Variants in PUDP observed in about 807,000 individuals in gnomAD.
PUDP encodes the protein pseudouridine-5'-phosphatase.
PUDP carries 8 observed loss-of-function variants against 9.4 expected under a neutral mutation model. The observed-to-expected ratio is 0.85, with a 90% CI of 0.50 to 1.53. The LOEUF is 1.53. Among genes scored for constraint, PUDP ranks in the 40% most tolerant of loss-of-function variants. The pLI is 0.00. For missense variants in PUDP, 188 were observed against 189.7 expected (o/e 0.99, Z 0.05); for synonymous variants, 99 against 80.7 (o/e 1.23, Z -1.22).
chrX:7,080,927 A>G (rs1931065237), intron 2 of PUDP, among the ~76,000 whole-genome samples: 2 of 109,625 alleles, frequency 1.8e-5, no homozygotes, highest in South Asian at 7.9e-4. Context: ...TCAAAAAAAA[A>G]AAAAAAAAAT....
At chrX:6,820,227 A>G (rs1243241941) in intron 3 of PUDP, among the ~76,000 whole-genome samples, 6 of 110,483 alleles carry the variant, frequency 5.4e-5, no homozygotes, top group Non-Finnish European at 7.6e-5. Context: ...ACTGGCCCCC[A>G]TGATTCAATT....
intron 1 of PUDP, among the ~76,000 whole-genome samples, chrX:7,130,101 C>A (rs770888192): frequency 7.2e-5 from 8 of 111,568 alleles, no homozygotes; most frequent in Non-Finnish European, 1.5e-4. Context: ...AATCTCCCTA[C>A]CCCAGGAAGG....
intron 3 of PUDP, among the ~76,000 whole-genome samples, chrX:6,775,016 G>A (rs922582426): frequency 8.9e-6 from 1 of 111,981 alleles, no homozygotes; most frequent in Admixed American, 9.5e-5. Flanking sequence ...CAATTCAATG[G>A]CTTCTAGTAC....
Position 7,050,156 on chromosome X carries a change from C to A in PUDP, c.*140G>T. On this transcript the variant is annotated 3_prime_UTR_variant, in exon 4 of 4. Transcript: ENST00000381077. ...AACACGTTAGACTGGGACAAACCAA[C>A]ATGGGATGGAAACTCCAATCTCAGG... is the stretch of plus-strand genomic sequence containing the variant. 2 of 564,886 alleles carry A rather than the reference C, an allele frequency of 3.5e-6. No homozygotes were observed. The highest frequency in any genetic ancestry group is 5.5e-6 in the Non-Finnish European group (2 of 366,933). The allele number at this position is 564,886 out of a possible 1,213,427, so 46.6% of individuals were successfully genotyped here.
intron 3 of PUDP, among the ~76,000 whole-genome samples, chrX:6,938,546 G>A (rs1283330483): frequency 1.0e-4 from 10 of 95,675 alleles, no homozygotes; most frequent in Middle Eastern, 4.5e-3. Flanking sequence ...TGACGAGTTA[G>A]TGGGTGCAGC....
chrX:6,848,278 C>A (rs1324353243), intron 3 of PUDP, among the ~76,000 whole-genome samples: 1 of 111,521 alleles, frequency 9.0e-6, no homozygotes, highest in Non-Finnish European at 1.9e-5. Flanking sequence ...TATAGGGTGG[C>A]CGTTCAACAG....
rs35475170 is a variant in PUDP at position 6,810,088 on chromosome X, C to CA, written c.*248-103623dup. On this transcript the variant is annotated intron_variant and NMD_transcript_variant, in intron 3 of 3. Coordinates refer to the PUDP transcript ENST00000655425. ...GAGACCCTGTCTCAAAAACGAAAAC[C>CA]AAAAAAAAAAAATATGAGGAGATCA... is the stretch of plus-strand genomic sequence containing the variant. 3.9e-3 allele frequency among the ~76,000 whole-genome samples: 392 copies of CA among 99,322 alleles called. 1 individual carries two copies. Among genetic ancestry groups the CA allele is most frequent in the Non-Finnish European group, 6.4e-3 (313 of 48,703 alleles). The allele number at this position is 99,322 out of a possible 115,157, so 86.2% of individuals were successfully genotyped here. A position where few individuals can be genotyped will look rare whatever the true frequency, so the allele number is the denominator to read the frequency against.
intron 3 of PUDP, among the ~76,000 whole-genome samples, chrX:6,741,832 T>C (rs12353883): frequency 2.6e-3 from 242 of 92,209 alleles, no homozygotes; most frequent in African/African-American, 0.011. Flanking sequence ...CTCTCTCTCT[T>C]TCTTTCTTTC....
intron 1 of PUDP, among the ~76,000 whole-genome samples, chrX:7,113,775 G>A (rs755662378): frequency 8.9e-6 from 1 of 112,108 alleles, no homozygotes; most frequent in South Asian, 3.7e-4. Flanking sequence ...CTCGAAATGA[G>A]GTCCCCGGAC....
intron 2 of PUDP, among the ~76,000 whole-genome samples, chrX:7,092,682 C>T (rs1931457766): frequency 9.0e-6 from 1 of 111,703 alleles, no homozygotes; most frequent in Non-Finnish European, 1.9e-5. Flanking sequence ...GTGCAGAAAC[C>T]ACCTCAAGAG....
At chrX:7,033,172 G>A (rs1929813147) in intron 1 of PUDP, among the ~76,000 whole-genome samples, 2 of 111,522 alleles carry the variant, frequency 1.8e-5, no homozygotes, top group South Asian at 7.7e-4. Flanking sequence ...AACTTTGGGA[G>A]TCAGACCTTG....
chrX:6,714,131 A>G (rs993124105), intron 1 of PUDP, among the ~76,000 whole-genome samples: 11 of 111,545 alleles, frequency 9.9e-5, no homozygotes, highest in African/African-American at 3.6e-4. Context: ...GATTCAAGTG[A>G]TCATCTCATC....
At chrX:7,116,221 G>A (rs1330734019) in intron 1 of PUDP, among the ~76,000 whole-genome samples, 1 of 111,569 alleles carries the variant, frequency 9.0e-6, no homozygotes. Context: ...AGGCTGTTGT[G>A]GGGGCTGGGG....
At chrX:6,860,059 G>A (rs1024681382) in intron 3 of PUDP, among the ~76,000 whole-genome samples, 1 of 112,132 alleles carries the variant, frequency 8.9e-6, no homozygotes, top group Non-Finnish European at 1.9e-5. Context: ...CAGAAACTGA[G>A]GCACAGAATA....
intron 1 of PUDP, among the ~76,000 whole-genome samples, chrX:7,108,591 G>A (rs1309923272): frequency 8.9e-6 from 1 of 112,406 alleles, no homozygotes; most frequent in African/African-American, 3.2e-5. Context: ...AACAAGAAGA[G>A]CCCTCCTCTG....
At chrX:6,718,584 T>C (rs1011727921) in intron 1 of PUDP, among the ~76,000 whole-genome samples, 3 of 110,924 alleles carry the variant, frequency 2.7e-5, no homozygotes, top group Non-Finnish European at 5.7e-5. Flanking sequence ...TAATAGACAC[T>C]GGAGACCAGG....
intron 1 of PUDP, among the ~76,000 whole-genome samples, chrX:6,706,656 C>G (rs1045686801): frequency 9.0e-6 from 1 of 111,419 alleles, no homozygotes; most frequent in Admixed American, 9.5e-5. Flanking sequence ...ATACGACACC[C>G]AAAATATGCC....
chrX:6,988,209 C>T (rs1200897126), intron 1 of PUDP, among the ~76,000 whole-genome samples: 2 of 111,740 alleles, frequency 1.8e-5, no homozygotes, highest in African/African-American at 6.5e-5. Flanking sequence ...TTCTCGAAAC[C>T]CAGCGAGGTC....
At chrX:6,834,192 T>C (rs1316640373) in intron 3 of PUDP, among the ~76,000 whole-genome samples, 1 of 112,055 alleles carries the variant, frequency 8.9e-6, no homozygotes, top group Non-Finnish European at 1.9e-5. Flanking sequence ...TTTTAATCTA[T>C]CAAAATGACC....
Sources: gnomAD v4.1 joint callset for allele counts (sites outside exome capture counted in the v4.1 genomes callset) on GRCh38, gnomAD v4.1.1 for gene constraint, MANE v1.5 for transcripts, NCBI Gene and HGNC (gene_info 2026-07-23, HGNC 2026-07-21) for gene names.